Variants in COL25A1 observed in about 807,000 individuals in gnomAD.
COL25A1 encodes the protein collagen alpha-1(XXV) chain.
A neutral mutation model predicts 128.4 loss-of-function variants in COL25A1; 103 were observed. The observed-to-expected ratio is 0.80, with a 90% CI of 0.68 to 0.94. COL25A1 has a LOEUF of 0.94. Among genes scored for constraint, COL25A1 ranks in the 40% least tolerant of loss-of-function variants. The pLI, the probability that COL25A1 is intolerant of heterozygous loss-of-function variation, is 0.00. For missense variants in COL25A1, 745 were observed against 840.0 expected (o/e 0.89, Z 1.40); for synonymous variants, 279 against 277.2 (o/e 1.01, Z -0.06).
intron 5 of COL25A1, among the ~76,000 whole-genome samples, chr4:109,037,065 C>T (rs777237026): frequency 1.3e-5 from 2 of 152,196 alleles, no homozygotes; most frequent in Non-Finnish European, 2.9e-5. Flanking sequence ...GTGCTCTGGG[C>T]AGCACAAAGC....
At chr4:109,059,011 C>T (rs1181559414) in intron 3 of COL25A1, among the ~76,000 whole-genome samples, 1 of 152,140 alleles carries the variant, frequency 6.6e-6, no homozygotes, top group Non-Finnish European at 1.5e-5. Flanking sequence ...AAGGCACAGG[C>T]ATACTAAAAC....
intron 3 of COL25A1, among the ~76,000 whole-genome samples, chr4:109,097,282 A>C (rs1460771526): frequency 6.6e-6 from 1 of 152,070 alleles, no homozygotes; most frequent in Admixed American, 6.6e-5. Flanking sequence ...TTTTTGTTTA[A>C]CACTTACAAG....
At chr4:109,262,073 A>G (rs752176684) in intron 3 of COL25A1, among the ~76,000 whole-genome samples, 2 of 152,034 alleles carry the variant, frequency 1.3e-5, no homozygotes, top group Non-Finnish European at 2.9e-5. Flanking sequence ...CTTTTCATCA[A>G]TGCAAGAATA....
chr4:109,024,006 T>G (rs1758003342), intron 5 of COL25A1, among the ~76,000 whole-genome samples: 1 of 152,218 alleles, frequency 6.6e-6, no homozygotes, highest in African/African-American at 2.4e-5. Context: ...CTGTGTACGT[T>G]ATTTCATGGT....
chr4:109,218,576 C>A (rs1047327302), intron 3 of COL25A1, among the ~76,000 whole-genome samples: 3 of 151,516 alleles, frequency 2.0e-5, no homozygotes, highest in Admixed American at 6.6e-5. Flanking sequence ...AGCTTTTATG[C>A]CAGAAACCAC....
At chr4:109,083,309 C>G (rs912394912) in intron 3 of COL25A1, among the ~76,000 whole-genome samples, 1 of 151,676 alleles carries the variant, frequency 6.6e-6, no homozygotes, top group Admixed American at 6.6e-5. Context: ...AAAAGGAAAG[C>G]CTAAAAAATG....
chr4:109,090,998 T>C (rs3108946), intron 3 of COL25A1, among the ~76,000 whole-genome samples: 41,045 of 151,990 alleles, frequency 0.27, 7,148 homozygotes, highest in African/African-American at 0.47. Flanking sequence ...AATGTCCTGG[T>C]TTCCTTCTTT....
intron 3 of COL25A1, among the ~76,000 whole-genome samples, chr4:109,241,842 C>A (rs1368661037): frequency 6.6e-6 from 1 of 152,086 alleles, no homozygotes; most frequent in East Asian, 1.9e-4. Context: ...TCCCAGACAA[C>A]TACCTCCATG....
intron 5 of COL25A1, among the ~76,000 whole-genome samples, chr4:109,032,250 T>G (rs1758935672): frequency 6.6e-6 from 1 of 152,156 alleles, no homozygotes; most frequent in Non-Finnish European, 1.5e-5. Flanking sequence ...AACTATGATG[T>G]TACACCACAT....
At chr4:108,850,206 T>C (rs998298901) in intron 26 of COL25A1, among the ~76,000 whole-genome samples, 1 of 152,126 alleles carries the variant, frequency 6.6e-6, no homozygotes, top group Non-Finnish European at 1.5e-5. Context: ...TCAAATGGGG[T>C]TTGTAAGAGT....
intron 8 of COL25A1, among the ~76,000 whole-genome samples, chr4:108,960,140 A>G (rs1750522201): frequency 6.6e-6 from 1 of 152,070 alleles, no homozygotes; most frequent in East Asian, 1.9e-4. Flanking sequence ...TAATGTGTTT[A>G]TCTATGCCAG....
intron 3 of COL25A1, among the ~76,000 whole-genome samples, chr4:109,068,336 C>T (rs558875722): frequency 6.6e-6 from 1 of 151,984 alleles, no homozygotes; most frequent in Admixed American, 6.6e-5. Flanking sequence ...GTCTAAGGAC[C>T]TGGTGCACAT....
rs566187111 is a variant in COL25A1, at chr4:109,216,586, T to C, written c.367+83997A>G. ...GACACACACAAAAGGAGGACAGCCA[T>C]GTGAAGACAGGCAGAGATTGGAGCT... On this transcript the variant is annotated intron_variant, in intron 3 of 37. Transcript: ENST00000399132. 3.3e-5 allele frequency among the ~76,000 whole-genome samples: 5 copies of C among 152,228 alleles called. No homozygotes were observed. In the East Asian group the frequency reaches 9.6e-4, roughly 29 times the overall value.
Position 108,852,938 on chromosome 4 carries a change from T to C in COL25A1, c.1321-13A>G. On this transcript the variant is annotated splice_polypyrimidine_tract_variant and intron_variant, in intron 24 of 37. Coordinates refer to ENST00000399132, the MANE Select transcript of COL25A1 (RefSeq NM_198721.4). Reference sequence around the variant, plus strand: ...AGGTGGTAATCCTCTGTTGGGAAAATGTGTTGACAAAGACAGAGTTATCTA... The same window carrying C: ...AGGTGGTAATCCTCTGTTGGGAAAACGTGTTGACAAAGACAGAGTTATCTA... 2 of 1,608,270 alleles carry C rather than the reference T, an allele frequency of 1.2e-6. No homozygotes were observed. Among genetic ancestry groups the C allele is most frequent in the South Asian group, 2.2e-5 (2 of 90,490 alleles).
At chr4:109,293,304 G>A (rs1434884127) in intron 3 of COL25A1, among the ~76,000 whole-genome samples, 1 of 152,030 alleles carries the variant, frequency 6.6e-6, no homozygotes, top group East Asian at 1.9e-4. Context: ...TTCTAAGTAT[G>A]ATGATAAAGA....
intron 3 of COL25A1, among the ~76,000 whole-genome samples, chr4:109,269,638 G>C (rs1782057573): frequency 6.6e-6 from 1 of 151,456 alleles, no homozygotes; most frequent in Non-Finnish European, 1.5e-5. Context: ...ACTGGTGTGA[G>C]ATGGTATCTC....
At chr4:109,090,311 G>A (rs1275803499) in intron 3 of COL25A1, among the ~76,000 whole-genome samples, 1 of 152,026 alleles carries the variant, frequency 6.6e-6, no homozygotes, top group Non-Finnish European at 1.5e-5. Context: ...TGTCCCTTAT[G>A]ATTTCCTTGT....
At chr4:109,258,576 TAA>T (rs1178704683) in intron 3 of COL25A1, among the ~76,000 whole-genome samples, 1 of 152,194 alleles carries the variant, frequency 6.6e-6, no homozygotes, top group African/African-American at 2.4e-5. Context: ...GTTACATTAT[TAA>T]GTTTATAATA....
intron 3 of COL25A1, among the ~76,000 whole-genome samples, chr4:109,214,849 C>A: frequency 6.6e-6 from 1 of 152,094 alleles, no homozygotes; most frequent in East Asian, 1.9e-4. Flanking sequence ...TTGATCTCAC[C>A]ATGGCTGGCA....
Sources: allele counts gnomAD v4.1 joint callset (sites outside exome capture counted in the v4.1 genomes callset), GRCh38; gene constraint gnomAD v4.1.1; transcripts MANE v1.5; gene names NCBI Gene and HGNC (gene_info 2026-07-23, HGNC 2026-07-21).